Variants in TLR3 observed in about 807,000 individuals in gnomAD.
TLR3 encodes toll like receptor 3.
TLR3 carries 43 observed loss-of-function variants against 66.4 expected under a neutral mutation model. The ratio of observed to expected loss-of-function variants is 0.65; its 90% confidence interval spans 0.51 to 0.83. TLR3 has a LOEUF of 0.83. Ranked by LOEUF, TLR3 falls within the 40% of genes least tolerant of loss-of-function variation. The pLI is 0.00. For missense variants in TLR3, 982 were observed against 1,044.6 expected, an observed-to-expected ratio of 0.94 and a Z score of 0.83; for synonymous variants, 397 against 397.2, an observed-to-expected ratio of 1.00 and a Z score of 0.01.
intron 2 of TLR3, 69 bp downstream of exon 2, chr4:186,077,129 A>C: frequency 1.4e-6 from 2 of 1,456,116 alleles, no homozygotes; most frequent in Non-Finnish European, 9.4e-7. Context: ...TTACTATCTA[A>C]ATATCAAGGA....
chr4:186,081,179 G>T (rs1357050252), intron 3 of TLR3, among the ~76,000 whole-genome samples: 2 of 151,476 alleles, frequency 1.3e-5, no homozygotes, highest in African/African-American at 4.9e-5. Context: ...TGAGGCAAGA[G>T]AATCGCTTGA....
chr4:186,076,558 T>G, intron 1 of TLR3, 55 bp from the exon 2 acceptor site: 1 of 1,545,476 alleles, frequency 6.5e-7, no homozygotes, highest in Non-Finnish European at 8.9e-7. Flanking sequence ...CCAATGCATT[T>G]GAAAGCCATC....
rs1252260733 is a variant in TLR3, at chr4:186,076,645, A to G, written c.26A>G (p.Tyr9Cys). 1.2e-6 allele frequency: 2 copies of G among 1,614,108 alleles called. No individual in the cohort carries two copies. Among genetic ancestry groups the G allele is most frequent in the Admixed American group, 1.7e-5 (1 of 60,018 alleles). The change falls in exon 2 of 5, where the codon TAC (tyrosine) becomes TGC (cysteine). Residue 9 changes from tyrosine to cysteine, a missense_variant. Around this residue, in one of 3 missense-constraint regions of TLR3, gnomAD observed 313 missense variants for 319.0 expected, o/e 0.98. Coordinates refer to ENST00000296795, the MANE Select transcript of TLR3 (RefSeq NM_003265.3). MRQTLPCI[Y>C]FWGGLLPFGM... Reference sequence around the variant, plus strand: ...ATGAGACAGACTTTGCCTTGTATCTACTTTTGGGGGGGCCTTTTGCCCTTT... The same window carrying G: ...ATGAGACAGACTTTGCCTTGTATCTGCTTTTGGGGGGGCCTTTTGCCCTTT...
At chr4:186,075,686 C>A (rs990597391) in intron 1 of TLR3, among the ~76,000 whole-genome samples, 8 of 151,872 alleles carry the variant, frequency 5.3e-5, no homozygotes, top group Non-Finnish European at 1.0e-4. Flanking sequence ...TATTTACTGA[C>A]TTTAGATTTG....
Position 186,082,537 on chromosome 4 carries a change from A to T in TLR3, c.851A>T (p.Asn284Ile), listed in dbSNP as rs5743316. ...TNLTMLDLSY[N>I]NLNVVGNDSF... ...CTCACTATGCTCGATCTTTCCTACAACAACTTAAATGTGGTTGGTAACGAT... is the reference window on the plus strand; with the variant it reads ...CTCACTATGCTCGATCTTTCCTACATCAACTTAAATGTGGTTGGTAACGAT... Residue 284 changes from asparagine to isoleucine, a missense_variant, in exon 4 of 5, where the codon AAC (asparagine) becomes ATC (isoleucine). Coordinates refer to ENST00000296795, the MANE Select transcript of TLR3 (RefSeq NM_003265.3). The T allele has an allele frequency of 6.4e-5, 103 of 1,614,092 alleles. No homozygotes were observed. The highest frequency in any genetic ancestry group is 7.9e-5 in the Non-Finnish European group (93 of 1,180,044).
chr4:186,074,689 T>C (rs1013803394), intron 1 of TLR3, among the ~76,000 whole-genome samples: 1 of 152,258 alleles, frequency 6.6e-6, no homozygotes, highest in Non-Finnish European at 1.5e-5. Flanking sequence ...TCAAAACTTT[T>C]TGACTCGTGT....
chr4:186,084,305 C>T (rs1184151132), intron 4 of TLR3, 133 bp downstream of exon 4: 8 of 926,092 alleles, frequency 8.6e-6, no homozygotes, highest in African/African-American at 8.4e-5. Flanking sequence ...ACTGCAGCCT[C>T]CACCTCCTGG....
chr4:186,069,886 C>A (rs1006436691), intron 1 of TLR3, among the ~76,000 whole-genome samples: 1 of 152,114 alleles, frequency 6.6e-6, no homozygotes, highest in Non-Finnish European at 1.5e-5. Context: ...AAGTTGATTC[C>A]CAGGTTTACA....
intron 3 of TLR3, 192 bp from the exon 4 acceptor site, chr4:186,082,128 G>C: frequency 1.7e-6 from 1 of 597,368 alleles, no homozygotes; most frequent in Non-Finnish European, 2.9e-6. Flanking sequence ...GGGAGGCTGA[G>C]GCAGGAGAAT....
chr4:186,071,765 T>C (rs2099301508), intron 1 of TLR3, among the ~76,000 whole-genome samples: 1 of 152,226 alleles, frequency 6.6e-6, no homozygotes, highest in Non-Finnish European at 1.5e-5. Flanking sequence ...AACAATTCTA[T>C]ATACTCACAT....
rs564576449 is a variant in TLR3, at chr4:186,082,189, T to C, written c.634-131T>C. ...GCAGTGAGCTGAGATTGCACTGCTG[T>C]ACTCCAGCCTGGGCGACAGAGCGAG... On this transcript the variant is annotated intron_variant, in intron 3 of 4. Transcript: ENST00000296795. The C allele has an allele frequency of 5.3e-4, 420 of 792,426 alleles. 1 individual carries two copies. In the African/African-American group the frequency reaches 6.0e-3, roughly 11 times the overall value. 49.1% of individuals were successfully genotyped at this position (792,426 alleles called of 1,614,324 possible).
At chr4:186,073,540 G>A (rs115484988) in intron 1 of TLR3, among the ~76,000 whole-genome samples, 5,979 of 151,442 alleles carry the variant, frequency 0.039, 252 homozygotes, top group Middle Eastern at 0.12. Context: ...CAAAAAACAA[G>A]ATCTGACTGA....
rs1287624568 is a variant in TLR3, at chr4:186,086,297, T to C, written c.*1424T>C. ...GTATTTAAAGAGAAACCTGAAATTA[T>C]AAAGCTGAGTTAATTTCTATACCTG... On this transcript the variant is annotated 3_prime_UTR_variant, in exon 5 of 5. Coordinates refer to ENST00000296795, the MANE Select transcript of TLR3 (RefSeq NM_003265.3). The C allele has an allele frequency of 6.6e-6, 1 of 152,260 alleles. No individual in the cohort carries two copies. Among genetic ancestry groups the C allele is most frequent in the Non-Finnish European group, 1.5e-5 (1 of 68,048 alleles). 9.4% of individuals were successfully genotyped at this position (152,260 alleles called of 1,614,324 possible).
At chr4:186,084,413 G>A (rs557630844) in intron 4 of TLR3, among the ~76,000 whole-genome samples, 1 of 151,668 alleles carries the variant, frequency 6.6e-6, no homozygotes, top group Non-Finnish European at 1.5e-5. Context: ...TAGAGATGGG[G>A]TTTCACCGTG....
chr4:186,070,940 C>T (rs957050499), intron 1 of TLR3, among the ~76,000 whole-genome samples: 5 of 152,114 alleles, frequency 3.3e-5, no homozygotes, highest in African/African-American at 1.2e-4. Flanking sequence ...TCCTGATCTC[C>T]TTCTGCCTAC....
chr4:186,074,207 T>A (rs1479243521), intron 1 of TLR3, among the ~76,000 whole-genome samples: 1 of 152,210 alleles, frequency 6.6e-6, no homozygotes, highest in East Asian at 1.9e-4. Flanking sequence ...CATGTGGCAC[T>A]TAATCATGGG....
chr4:186,084,796 C>G lies in TLR3; in HGVS notation c.2638C>G (p.Pro880Ala). ...MFKSHCILNW[P>A]VQKERIGAFR... Reference sequence around the variant, plus strand: ...TAAATCTCACTGCATCTTGAACTGGCCAGTTCAGAAAGAACGGATAGGTGC... The same window carrying G: ...TAAATCTCACTGCATCTTGAACTGGGCAGTTCAGAAAGAACGGATAGGTGC... The change falls in exon 5 of 5, where the codon CCA (proline) becomes GCA (alanine). Residue 880 changes from proline to alanine, a missense_variant. By Grantham distance (27) the Pro-to-Ala change is conservative (BLOSUM62 -1). Transcript: ENST00000296795. 2 of 1,614,030 alleles carry G rather than the reference C, an allele frequency of 1.2e-6. No homozygotes were observed. Among genetic ancestry groups the G allele is most frequent in the South Asian group, 2.2e-5 (2 of 91,068 alleles).
chr4:186,081,118 T>C (rs1030382410), intron 3 of TLR3, among the ~76,000 whole-genome samples: 8 of 152,036 alleles, frequency 5.3e-5, no homozygotes, highest in African/African-American at 1.9e-4. Flanking sequence ...GTTCATAATA[T>C]GATATTAAAT....
intron 1 of TLR3, among the ~76,000 whole-genome samples, chr4:186,075,292 A>G (rs1025384261): frequency 6.6e-6 from 1 of 152,174 alleles, no homozygotes; most frequent in Admixed American, 6.5e-5. Flanking sequence ...CAGTTCCATT[A>G]TGATCTGCAG....
Sources: gnomAD v4.1 joint callset for allele counts (sites outside exome capture counted in the v4.1 genomes callset) on GRCh38, gnomAD v4.1.1 for gene constraint, gnomAD v4.1.1 regional missense constraint, MANE v1.5 for transcripts, NCBI Gene and HGNC (gene_info 2026-07-23, HGNC 2026-07-21) for gene names.